The following TPRG1 variants were observed in gnomAD, a reference collection of about 807,000 sequenced individuals.
The protein encoded by TPRG1 is tumor protein p63 regulated 1, also known as tumor protein p63-regulated gene 1 protein.
Under a neutral mutation model 29.3 loss-of-function variants are expected in TPRG1, and 29 were observed. The observed-to-expected ratio is 0.99, with a 90% CI of 0.74 to 1.35. The LOEUF (loss-of-function observed/expected upper bound fraction) is 1.35. TPRG1 is among the 40% of genes most tolerant of loss of function. TPRG1 has a pLI of 0.00. For synonymous variants in TPRG1, 130 were observed against 116.8 expected (o/e 1.11, Z -0.73); for missense variants, 327 against 335.0 (o/e 0.98, Z 0.19).
intron 2 of TPRG1, among the ~76,000 whole-genome samples, chr3:189,213,491 A>C (rs1735584217): frequency 6.6e-6 from 1 of 152,204 alleles, no homozygotes; most frequent in Non-Finnish European, 1.5e-5. Context: ...GGCTTGACCT[A>C]CATTTTTACC....
At chr3:189,267,522 A>G (rs1576902751) in intron 4 of TPRG1, 5 of 152,242 alleles carry the variant, frequency 3.3e-5, no homozygotes, top group Admixed American at 3.3e-4. Context: ...TAGTGGTGGG[A>G]ACTGTTGCTA....
At chr3:189,256,872 T>A (rs532604848) in intron 4 of TPRG1, among the ~76,000 whole-genome samples, 1 of 152,288 alleles carries the variant, frequency 6.6e-6, no homozygotes, top group East Asian at 1.9e-4. Flanking sequence ...TCTTCCTCCA[T>A]CCCTTTATTT....
At chr3:189,145,528 C>T (rs549391620) in intron 3 of TPRG1, among the ~76,000 whole-genome samples, 2 of 152,234 alleles carry the variant, frequency 1.3e-5, no homozygotes, top group East Asian at 3.9e-4. Flanking sequence ...TGAACAGAGA[C>T]TTACTGTTTC....
At chr3:189,237,389 G>A (rs1739684708) in intron 3 of TPRG1, among the ~76,000 whole-genome samples, 1 of 152,076 alleles carries the variant, frequency 6.6e-6, no homozygotes, top group Admixed American at 6.6e-5. Flanking sequence ...GTATTGTGGT[G>A]TATATTCTGA....
intron 3 of TPRG1, chr3:189,219,760 T>C (rs1736665995): frequency 9.0e-7 from 1 of 1,116,374 alleles, no homozygotes; most frequent in East Asian, 8.2e-5. Flanking sequence ...TGGTGGGCGA[T>C]TGTTGTTCTT....
At chr3:189,181,048 C>T (rs989847948) in intron 1 of TPRG1, among the ~76,000 whole-genome samples, 10 of 152,212 alleles carry the variant, frequency 6.6e-5, no homozygotes, top group Non-Finnish European at 1.2e-4. Context: ...GAAGCCATGG[C>T]CTGAGCTCTA....
chr3:189,187,304 T>G (rs1403640651), intron 1 of TPRG1, among the ~76,000 whole-genome samples: 1 of 148,076 alleles, frequency 6.8e-6, no homozygotes, highest in African/African-American at 2.5e-5. Flanking sequence ...AACTTTTTTT[T>G]GTTTGTTTTT....
chr3:189,042,642 T>G (rs1407661820), intron 4 of TPRG1, among the ~76,000 whole-genome samples: 1 of 152,028 alleles, frequency 6.6e-6, no homozygotes, highest in Non-Finnish European at 1.5e-5. Context: ...TCACTGCTTC[T>G]TTATATTGTA....
chr3:189,223,755 G>A (rs559637314), intron 3 of TPRG1, among the ~76,000 whole-genome samples: 102 of 152,236 alleles, frequency 6.7e-4, no homozygotes, highest in Middle Eastern at 3.4e-3. Flanking sequence ...CTATAAAATA[G>A]GGATCTTAAG....
At chr3:189,179,998 C>T (rs527666252) in intron 1 of TPRG1, among the ~76,000 whole-genome samples, 3 of 152,318 alleles carry the variant, frequency 2.0e-5, no homozygotes, top group Non-Finnish European at 4.4e-5. Context: ...GCCTCACAAT[C>T]ATGATGGAAG....
intron 1 of TPRG1, among the ~76,000 whole-genome samples, chr3:189,190,664 C>CT (rs1731555861): frequency 6.6e-6 from 1 of 152,136 alleles, no homozygotes; most frequent in Non-Finnish European, 1.5e-5. Context: ...ACTTTCACAA[C>CT]TTTTTTCATT....
chr3:189,146,306 AG>A (rs973175460), intron 3 of TPRG1, among the ~76,000 whole-genome samples: 7 of 152,218 alleles, frequency 4.6e-5, no homozygotes, highest in Non-Finnish European at 8.8e-5. Context: ...ACCTTCAGTT[AG>A]GTCACAGTTA....
chr3:189,053,272 C>T (rs1444711243), intron 4 of TPRG1, among the ~76,000 whole-genome samples: 1 of 152,178 alleles, frequency 6.6e-6, no homozygotes, highest in East Asian at 1.9e-4. Flanking sequence ...AGCTTCCTCA[C>T]CTGTCTTAGC....
intron 4 of TPRG1, among the ~76,000 whole-genome samples, chr3:189,027,016 A>G (rs944584624): frequency 2.6e-5 from 4 of 152,152 alleles, no homozygotes; most frequent in Non-Finnish European, 5.9e-5. Context: ...AAATGTGCTG[A>G]TCAATGTGTT....
At position 189,047,247 on chromosome 3, in the gene TPRG1, C is replaced by T. The variant is rs537043147; in HGVS notation, c.-463+23301C>T. The stretch of plus-strand genomic sequence containing the variant: ...CACTCTACTGTCTAAAGCAATATCA[C>T]AATAAAGTGAATCACATAATTTTTT... On this transcript the variant is annotated intron_variant, in intron 4 of 10. Coordinates refer to the TPRG1 transcript ENST00000433971. Among the ~76,000 whole-genome samples the T allele has an allele frequency of 9.9e-5, 15 of 152,182 alleles. No individual in the cohort carries two copies. In the South Asian group the frequency reaches 3.1e-3, roughly 32 times the overall value.
At chr3:189,074,610 G>T (rs1717022422) in intron 4 of TPRG1, among the ~76,000 whole-genome samples, 1 of 151,986 alleles carries the variant, frequency 6.6e-6, no homozygotes, top group Admixed American at 6.5e-5. Flanking sequence ...ATTCTTTCAT[G>T]TTTTTATTTC....
In TPRG1 at chr3:189,320,974, G is replaced by T. The variant is rs7622211; in HGVS notation, c.*154G>T. 8.3e-3 allele frequency: 5,501 copies of T among 660,010 alleles called. 244 individuals carry two copies. In the African/African-American group the frequency reaches 0.088, roughly 11 times the overall value. 40.9% of individuals were successfully genotyped at this position (660,010 alleles called of 1,614,324 possible). A position where few individuals can be genotyped will look rare whatever the true frequency, so the allele number is the denominator to read the frequency against. On this transcript the variant is annotated 3_prime_UTR_variant, in exon 6 of 6. Coordinates refer to ENST00000345063, the MANE Select transcript of TPRG1 (RefSeq NM_198485.4). ...AGTATTTCCGAAAATTTAAAAGCTTGATTGGACTGATAGATACACACTTTA... is the reference window on the plus strand; with the variant it reads ...AGTATTTCCGAAAATTTAAAAGCTTTATTGGACTGATAGATACACACTTTA...
chr3:189,066,730 A>T (rs140271727), intron 4 of TPRG1, among the ~76,000 whole-genome samples: 111 of 152,248 alleles, frequency 7.3e-4, no homozygotes, highest in African/African-American at 2.6e-3. Flanking sequence ...AATGGGGAAA[A>T]ACTGAAAGCC....
chr3:189,247,045 AC>A (rs143108117), intron 4 of TPRG1, among the ~76,000 whole-genome samples: 2,669 of 152,074 alleles, frequency 0.018, 84 homozygotes, highest in African/African-American at 0.06. Context: ...TGGGGCTATT[AC>A]TTTTTATTTC....
Sources: gnomAD v4.1 joint callset for allele counts (sites outside exome capture counted in the v4.1 genomes callset) on GRCh38, gnomAD v4.1.1 for gene constraint, MANE v1.5 for transcripts, NCBI Gene and HGNC (gene_info 2026-07-23, HGNC 2026-07-21) for gene names.